Variants in SBF2 observed in about 807,000 individuals in gnomAD.
The protein encoded by SBF2 is myotubularin-related protein 13.
Under a neutral mutation model 225.2 loss-of-function variants are expected in SBF2, and 112 were observed. That is an observed-to-expected ratio of 0.50 (90% CI 0.43 to 0.58). SBF2 has a LOEUF of 0.58. SBF2 is among the 20% of genes least tolerant of loss of function. The pLI, the probability that SBF2 is intolerant of heterozygous loss-of-function variation, is 0.00. For missense variants in SBF2, 1,996 were observed against 2,206.2 expected (o/e 0.90, Z 1.91); for synonymous variants, 763 against 773.3 (o/e 0.99, Z 0.22).
intron 16 of SBF2, among the ~76,000 whole-genome samples, chr11:9,950,873 T>G (rs549192704): frequency 6.6e-6 from 1 of 152,310 alleles, no homozygotes; most frequent in South Asian, 2.1e-4. Flanking sequence ...ATTTATTCAT[T>G]TATTAATTCA....
intron 1 of SBF2, among the ~76,000 whole-genome samples, chr11:10,213,249 T>G (rs1003538987): frequency 3.9e-5 from 6 of 152,118 alleles, no homozygotes; most frequent in Admixed American, 2.0e-4. Flanking sequence ...TTGGAGGATG[T>G]TTTTAGAGAG....
chr11:9,803,215 T>C (rs555293829), intron 32 of SBF2, among the ~76,000 whole-genome samples: 1 of 49,986 alleles, frequency 2.0e-5, no homozygotes, highest in Non-Finnish European at 4.9e-5. Flanking sequence ...TTTAACTCTT[T>C]ACTTGAAAAA....
At chr11:10,018,497 G>C (rs1413366187) in intron 6 of SBF2, among the ~76,000 whole-genome samples, 2 of 152,150 alleles carry the variant, frequency 1.3e-5, no homozygotes, top group African/African-American at 4.8e-5. Flanking sequence ...TTTTAGACAA[G>C]AGAACTTTGT....
chr11:10,002,583 T>C lies in SBF2; in HGVS notation c.726A>G (p.Glu242=), dbSNP rs781156163. 3 of 1,612,648 alleles carry C rather than the reference T, an allele frequency of 1.9e-6. No individual in the cohort carries two copies. The highest frequency in any genetic ancestry group is 1.3e-5 in the African/African-American group (1 of 74,882). ...TATATTTAAGAGGAAACATTAAAGA[T>C]TCCAGGGCTCTACAAGCATCACTAA... is the stretch of plus-strand genomic sequence containing the variant. The part of the protein sequence containing the change: ...QRLSDACRAL[E]SLMFPLKYSY... Residue 242 remains glutamate, a synonymous_variant, in exon 7 of 40, where the codon GAA becomes GAG. Coordinates refer to ENST00000256190, the MANE Select transcript of SBF2 (RefSeq NM_030962.4).
In SBF2 at chr11:9,952,110, T is replaced by G. The variant is rs189845978; in HGVS notation, c.1860+9847A>C. On this transcript the variant is annotated intron_variant, in intron 16 of 39. Coordinates refer to ENST00000256190, the MANE Select transcript of SBF2 (RefSeq NM_030962.4). ...GGCAGGCTGCCAGAGTCCTGGAAGC[T>G]AAAGGGGGAAAGCCCACTGGCATTC... Among the ~76,000 whole-genome samples, 14 of 152,324 alleles carry G rather than the reference T, an allele frequency of 9.2e-5. No individual in the cohort carries two copies. In the East Asian group the frequency reaches 2.7e-3, roughly 29 times the overall value.
intron 22 of SBF2, among the ~76,000 whole-genome samples, chr11:9,848,981 G>A (rs1856738280): frequency 6.6e-6 from 1 of 152,190 alleles, no homozygotes; most frequent in African/African-American, 2.4e-5. Context: ...CAACCAATGA[G>A]TAGCACATAG....
chr11:9,974,721 C>T (rs1946600634), intron 13 of SBF2, among the ~76,000 whole-genome samples: 1 of 149,958 alleles, frequency 6.7e-6, no homozygotes, highest in Non-Finnish European at 1.5e-5. Flanking sequence ...ATAATCCCAG[C>T]ACTTTGCGAG....
chr11:9,926,260 C>A (rs1195331225), intron 16 of SBF2, among the ~76,000 whole-genome samples: 1 of 151,956 alleles, frequency 6.6e-6, no homozygotes. Context: ...CTGTTAGAAA[C>A]TTGCAAACCT....
rs1352613342 is a variant in SBF2, at chr11:9,790,955, C to G, written c.4571-272G>C. Reference sequence around the variant, plus strand: ...CAATCATGACTCTTCCAACCCTCATCCTGCATCTATATCTAGATTCAAAGA... The same window carrying G: ...CAATCATGACTCTTCCAACCCTCATGCTGCATCTATATCTAGATTCAAAGA... On this transcript the variant is annotated intron_variant, in intron 33 of 39. Coordinates refer to ENST00000256190, the MANE Select transcript of SBF2 (RefSeq NM_030962.4). 3 of 303,362 alleles carry G rather than the reference C, an allele frequency of 9.9e-6. No homozygotes were observed. In the East Asian group the frequency reaches 2.3e-4, roughly 24 times the overall value. The allele number at this position is 303,362 out of a possible 1,614,324, so 18.8% of individuals were successfully genotyped here.
intron 15 of SBF2, among the ~76,000 whole-genome samples, chr11:9,963,478 A>G (rs1298727845): frequency 6.6e-6 from 1 of 152,202 alleles, no homozygotes; most frequent in East Asian, 1.9e-4. Flanking sequence ...AAATAAAAAT[A>G]AAATGAAAAA....
rs115159652 is a variant in SBF2 at position 9,793,287 on chromosome 11, A to G, written c.4570+2544T>C. On this transcript the variant is annotated intron_variant, in intron 33 of 39. Transcript: ENST00000256190. ...ACTCAGAGATGAAGTAATTTACCCA[A>G]AGTTACTGACATTTTCTGATCCTTG... is the stretch of plus-strand genomic sequence containing the variant. 7.3e-3 allele frequency among the ~76,000 whole-genome samples: 1,118 copies of G among 152,134 alleles called. 12 individuals carry two copies. The highest frequency in any genetic ancestry group is 0.025 in the African/African-American group (1,055 of 41,504).
intron 2 of SBF2, among the ~76,000 whole-genome samples, chr11:10,190,215 T>A (rs1040353769): frequency 2.6e-5 from 4 of 151,974 alleles, no homozygotes; most frequent in African/African-American, 9.7e-5. Flanking sequence ...CTTTAAGCTG[T>A]TTAGATGTCT....
intron 8 of SBF2, among the ~76,000 whole-genome samples, chr11:9,999,725 C>G (rs1156258111): frequency 6.6e-6 from 1 of 152,124 alleles, no homozygotes; most frequent in African/African-American, 2.4e-5. Flanking sequence ...TATTGATTTA[C>G]ACATATTTTT....
At position 9,851,156 on chromosome 11, in the gene SBF2, C is replaced by CA. The variant is rs1336031531; in HGVS notation, c.2611-939dup. 8.4e-3 allele frequency among the ~76,000 whole-genome samples: 979 copies of CA among 116,800 alleles called. 13 individuals are homozygous for CA. The highest frequency in any genetic ancestry group is 0.025 in the African/African-American group (860 of 34,994). 76.6% of individuals were successfully genotyped at this position (116,800 alleles called of 152,430 possible). ...ATCTCAAAAAAAAAAAAAACAACAA[C>CA]AAAAAAAAACCCAGAATACATAGAT... On this transcript the variant is annotated intron_variant, in intron 21 of 39. Coordinates refer to ENST00000256190, the MANE Select transcript of SBF2 (RefSeq NM_030962.4).
At chr11:10,273,014 G>A (rs916851057) in intron 1 of SBF2, among the ~76,000 whole-genome samples, 1 of 151,854 alleles carries the variant, frequency 6.6e-6, no homozygotes, top group Admixed American at 6.6e-5. Context: ...AGGTTGCAGT[G>A]AGCCAAGATC....
chr11:9,933,593 G>C (rs762050416), intron 16 of SBF2, among the ~76,000 whole-genome samples: 1 of 152,148 alleles, frequency 6.6e-6, no homozygotes, highest in Non-Finnish European at 1.5e-5. Context: ...CAGAAATAAA[G>C]ATGTTTTTTG....
At chr11:10,057,554 G>T (rs923406435) in intron 2 of SBF2, among the ~76,000 whole-genome samples, 1 of 152,158 alleles carries the variant, frequency 6.6e-6, no homozygotes, top group African/African-American at 2.4e-5. Context: ...CTGAGTGATT[G>T]CTGACCTGCA....
At chr11:9,942,820 G>C (rs1590553374) in intron 16 of SBF2, among the ~76,000 whole-genome samples, 1 of 150,628 alleles carries the variant, frequency 6.6e-6, no homozygotes, top group East Asian at 1.9e-4. Context: ...GACAGAGTAA[G>C]AGAGTAAGAC....
At chr11:10,026,938 TGCACTA>T (rs1949077870) in intron 6 of SBF2, among the ~76,000 whole-genome samples, 1 of 152,118 alleles carries the variant, frequency 6.6e-6, no homozygotes, top group Non-Finnish European at 1.5e-5. Context: ...AGTAAAAACT[TGCACTA>T]GAAGAGAAGG....
Sources: allele counts gnomAD v4.1 joint callset (sites outside exome capture counted in the v4.1 genomes callset), GRCh38; gene constraint gnomAD v4.1.1; transcripts MANE v1.5; gene names NCBI Gene and HGNC (gene_info 2026-07-23, HGNC 2026-07-21).